The following RSBN1L variants were observed in gnomAD, a reference collection of about 807,000 sequenced individuals.
The protein encoded by RSBN1L is lysine-specific demethylase RSBN1L.
RSBN1L carries 30 observed loss-of-function variants against 67.7 expected under a neutral mutation model. The observed-to-expected ratio is 0.44, with a 90% CI of 0.33 to 0.60. The LOEUF is 0.60. Among genes scored for constraint, RSBN1L ranks in the 20% least tolerant of loss-of-function variants. RSBN1L has a pLI of 0.02. For missense variants in RSBN1L, 992 were observed against 1,031.7 expected (o/e 0.96, Z 0.53); for synonymous variants, 433 against 387.0 (o/e 1.12, Z -1.39).
chr7:77,730,185 T>C (rs1007934428), intron 1 of RSBN1L, among the ~76,000 whole-genome samples: 1 of 152,160 alleles, frequency 6.6e-6, no homozygotes, highest in Non-Finnish European at 1.5e-5. Context: ...TAGGTCTGTT[T>C]GCATCTGTTT....
chr7:77,711,768 C>A (rs540701831), intron 1 of RSBN1L, among the ~76,000 whole-genome samples: 7 of 152,250 alleles, frequency 4.6e-5, no homozygotes, highest in South Asian at 4.1e-4. Context: ...TCAGAAGTAA[C>A]CATGTTTAAG....
At chr7:77,725,575 C>T (rs1333723183) in intron 1 of RSBN1L, among the ~76,000 whole-genome samples, 1 of 150,434 alleles carries the variant, frequency 6.6e-6, no homozygotes, top group African/African-American at 2.5e-5. Context: ...GTGTTCTGTG[C>T]ATTTACATAT....
At chr7:77,700,397 T>A (rs1790799753) in intron 1 of RSBN1L, among the ~76,000 whole-genome samples, 2 of 152,242 alleles carry the variant, frequency 1.3e-5, no homozygotes, top group African/African-American at 4.8e-5. Context: ...ACTTTTTTCC[T>A]TAAAATGACC....
At chr7:77,714,179 A>G (rs1791013842) in intron 1 of RSBN1L, among the ~76,000 whole-genome samples, 1 of 152,214 alleles carries the variant, frequency 6.6e-6, no homozygotes. Flanking sequence ...TAGGGCAAAA[A>G]TCCCGATATT....
intron 1 of RSBN1L, among the ~76,000 whole-genome samples, chr7:77,708,382 A>G (rs1790923268): frequency 8.5e-6 from 1 of 117,770 alleles, no homozygotes; most frequent in Non-Finnish European, 1.7e-5. Context: ...CCAGGATGAG[A>G]CTATTTTTTT....
intron 2 of RSBN1L, among the ~76,000 whole-genome samples, chr7:77,740,641 C>A (rs1200296964): frequency 6.6e-6 from 1 of 152,128 alleles, no homozygotes; most frequent in Admixed American, 6.5e-5. Flanking sequence ...TTTTGTTTTT[C>A]ACTTTATTAA....
At chr7:77,739,877 G>A (rs1425292020) in intron 2 of RSBN1L, among the ~76,000 whole-genome samples, 3 of 144,568 alleles carry the variant, frequency 2.1e-5, no homozygotes, top group African/African-American at 7.7e-5. Context: ...AGCCTCCTGA[G>A]TAGCTGGGAT....
At chr7:77,722,909 G>A (rs1016960978) in intron 1 of RSBN1L, among the ~76,000 whole-genome samples, 1 of 151,378 alleles carries the variant, frequency 6.6e-6, no homozygotes, top group African/African-American at 2.4e-5. Flanking sequence ...TGTTTGTGCA[G>A]CAACAATATA....
intron 6 of RSBN1L, 51 bp from the exon 7 acceptor site, chr7:77,778,287 A>G: frequency 1.5e-6 from 2 of 1,301,376 alleles, no homozygotes; most frequent in South Asian, 1.3e-5. Context: ...TAAGGACTCA[A>G]AAGAGTGAAG....
rs549417572 is a variant in RSBN1L at position 77,707,987 on chromosome 7, T to G, written c.586+10932T>G. 4.6e-5 allele frequency among the ~76,000 whole-genome samples: 7 copies of G among 152,360 alleles called. No individual in the cohort carries two copies. The South Asian group carries it at 1.4e-3, about 32-fold the overall frequency. ...ATACTGTATGGAAGTTCAGAAAATT[T>G]AAATATAAAATAAGTTGTAAATCTA... On this transcript the variant is annotated intron_variant, in intron 1 of 7. Coordinates refer to ENST00000334955, the MANE Select transcript of RSBN1L (RefSeq NM_198467.3).
chr7:77,730,608 G>A (rs372335035), intron 1 of RSBN1L, among the ~76,000 whole-genome samples: 5 of 152,102 alleles, frequency 3.3e-5, no homozygotes, highest in South Asian at 4.1e-4. Flanking sequence ...TAAAGTCTCC[G>A]TAGTTTTGCC....
rs1791989402 is a variant in RSBN1L, at chr7:77,780,839, C to T, written c.*1671C>T. Reference sequence around the variant, plus strand: ...AAACAGACCTCTTTAATGATAGACTCACTATTTGACACTGCTTCTACTATT... The same window carrying T: ...AAACAGACCTCTTTAATGATAGACTTACTATTTGACACTGCTTCTACTATT... On this transcript the variant is annotated 3_prime_UTR_variant, in exon 8 of 8. Coordinates refer to ENST00000334955, the MANE Select transcript of RSBN1L (RefSeq NM_198467.3). 1 of 152,182 alleles carries T rather than the reference C, an allele frequency of 6.6e-6. No homozygotes were observed. Among genetic ancestry groups the T allele is most frequent in the Non-Finnish European group, 1.5e-5 (1 of 68,030 alleles). 9.4% of individuals were successfully genotyped at this position (152,182 alleles called of 1,614,324 possible).
rs183883669 is a variant in RSBN1L at position 77,734,654 on chromosome 7, A to C, written c.587-1756A>C. Among the ~76,000 whole-genome samples, 11 of 152,114 alleles carry C rather than the reference A, an allele frequency of 7.2e-5. No individual in the cohort carries two copies. In the East Asian group the frequency reaches 2.1e-3, roughly 29 times the overall value. ...CAGGCATGCACCACCACATCCGGCT[A>C]ATTTTTGTATTTTTAGTATAGATGG... On this transcript the variant is annotated intron_variant, in intron 1 of 7. Transcript: ENST00000334955.
In RSBN1L at chr7:77,736,664, A is replaced by G. The variant is rs142168023; in HGVS notation, c.703+138A>G. 4.7e-4 allele frequency: 185 copies of G among 390,684 alleles called. 1 individual carries two copies. The East Asian group carries it at 9.0e-3, about 19-fold the overall frequency. 24.2% of individuals were successfully genotyped at this position (390,684 alleles called of 1,614,324 possible). ...ACAATGATGAGGAAATGAAAAGTAA[A>G]TGTAACAACGGAGAGTTCTAATCTG... On this transcript the variant is annotated intron_variant, in intron 2 of 7. Transcript: ENST00000334955.
rs1562790305 is a variant in RSBN1L, at chr7:77,696,792, C to T, written c.323C>T (p.Ala108Val). Residue 108 changes from alanine to valine, a missense_variant, in exon 1 of 8, where the codon GCT (alanine) becomes GTT (valine). Ala to Val is a moderately conservative substitution (Grantham distance 64). This residue lies in a region of RSBN1L where 575 missense variants were observed against 483.2 expected (regional missense o/e 1.19). Transcript: ENST00000334955. ...TCTCGGAGCAGTTTCTCTTTCTCCG[C>T]TGGCACGGCCGTTCCCTCCTCAGCC... is the stretch of plus-strand genomic sequence containing the variant. ...SSSRSSFSFS[A>V]GTAVPSSASA... 1 of 1,613,752 alleles carries T rather than the reference C, an allele frequency of 6.2e-7. No homozygotes were observed.
chr7:77,710,716 C>T (rs926492487), intron 1 of RSBN1L, among the ~76,000 whole-genome samples: 15 of 152,264 alleles, frequency 9.9e-5, no homozygotes, highest in African/African-American at 2.9e-4. Context: ...CTGCCTCAGC[C>T]TCCCGAGTAG....
chr7:77,752,052 T>C (rs1281315152), intron 3 of RSBN1L, among the ~76,000 whole-genome samples: 1 of 152,230 alleles, frequency 6.6e-6, no homozygotes, highest in East Asian at 1.9e-4. Flanking sequence ...TCATCTAAAC[T>C]ATCTAATATG....
chr7:77,749,782 G>A lies in RSBN1L; in HGVS notation c.1062G>A (p.Gln354=), dbSNP rs777422775. 6 of 1,614,010 alleles carry A rather than the reference G, an allele frequency of 3.7e-6. No individual in the cohort carries two copies. Among genetic ancestry groups the A allele is most frequent in the Non-Finnish European group, 5.1e-6 (6 of 1,179,972 alleles). The change falls in exon 3 of 8, where the codon CAG becomes CAA. Residue 354 remains glutamine, a synonymous_variant. Transcript: ENST00000334955. ...EFKQLIHIEH[Q]PNGGASVIHA... is the part of the protein sequence containing the mutation. ...AACAACTCATTCATATAGAGCACCAGCCTAATGGAGGTGCATCGGTTATCC... is the reference window on the plus strand; with the variant it reads ...AACAACTCATTCATATAGAGCACCAACCTAATGGAGGTGCATCGGTTATCC...
At position 77,778,894 on chromosome 7, in the gene RSBN1L, C is replaced by A. The variant is rs1205522956; in HGVS notation, c.2267C>A (p.Pro756His). 1.9e-6 allele frequency: 3 copies of A among 1,613,868 alleles called. No homozygotes were observed. In the Admixed American group the frequency reaches 5.0e-5, roughly 27 times the overall value. ...KYELQQIKHEPIASVRIKEEP... is the reference protein window; with the variant it reads ...KYELQQIKHEHIASVRIKEEP... ...GAATTACAGCAGATTAAACATGAAC[C>A]TATTGCATCTGTAAGAATCAAGGAA... The change falls in exon 8 of 8, where the codon CCT becomes CAT. Residue 756 changes from proline (P) to histidine (H), a missense_variant. Pro to His is a moderately conservative substitution (Grantham distance 77, BLOSUM62 -2). Around this residue, in one of 7 missense-constraint regions of RSBN1L, gnomAD observed 199 missense variants for 167.7 expected, o/e 1.19. Transcript: ENST00000334955.
Sources: gnomAD v4.1 joint callset for allele counts (sites outside exome capture counted in the v4.1 genomes callset) on GRCh38, gnomAD v4.1.1 for gene constraint, gnomAD v4.1.1 regional missense constraint, MANE v1.5 for transcripts, NCBI Gene and HGNC (gene_info 2026-07-23, HGNC 2026-07-21) for gene names.